PMFBP1: variants seen among roughly 807,000 people sequenced by gnomAD.
PMFBP1 encodes the protein polyamine-modulated factor 1-binding protein 1.
A neutral mutation model predicts 137.8 loss-of-function variants in PMFBP1; 131 were observed. The observed-to-expected ratio is 0.95, with a 90% CI of 0.82 to 1.10. The LOEUF (loss-of-function observed/expected upper bound fraction) is 1.10, where lower values mean the gene tolerates loss of function less well. Ranked by LOEUF, PMFBP1 falls within the 50% of genes least tolerant of loss-of-function variation. The pLI is 0.00. For synonymous variants in PMFBP1, 490 were observed against 450.4 expected, an observed-to-expected ratio of 1.09 and a Z score of -1.11; for missense variants, 1,199 against 1,175.4, an observed-to-expected ratio of 1.02 and a Z score of -0.29.
the PMFBP1 span, among the ~76,000 whole-genome samples, chr16:72,191,697 T>A: frequency 3.3e-4 from 50 of 152,216 alleles, no homozygotes; most frequent in African/African-American, 9.6e-4. Context: ...TTTTTCTCCA[T>A]TCCTGGTTCT....
intron 10 of PMFBP1, among the ~76,000 whole-genome samples, chr16:72,132,001 A>G (rs970751951): frequency 3.9e-5 from 6 of 152,056 alleles, no homozygotes; most frequent in African/African-American, 1.2e-4. Context: ...GCCCACCACC[A>G]TGCCTGGCTA....
At chr16:72,204,361 C>T in the PMFBP1 span, among the ~76,000 whole-genome samples, 1 of 152,020 alleles carries the variant, frequency 6.6e-6, no homozygotes, top group Non-Finnish European at 1.5e-5. Flanking sequence ...GGGCGTGCAC[C>T]ACCGCACGTT....
the PMFBP1 span, among the ~76,000 whole-genome samples, chr16:72,222,755 TTTTG>T: frequency 6.6e-6 from 1 of 152,134 alleles, no homozygotes; most frequent in Non-Finnish European, 1.5e-5. Flanking sequence ...AGTTTTTTGT[TTTTG>T]TTTTTTTCTT....
chr16:72,181,222 A>T (rs558004181), upstream of PMFBP1, among the ~76,000 whole-genome samples: 53 of 151,354 alleles, frequency 3.5e-4, no homozygotes, highest in Non-Finnish European at 6.8e-4. Context: ...CTGGCGACAG[A>T]GCAAGACTTC....
At chr16:72,124,072 T>C (rs759528168) in intron 17 of PMFBP1, among the ~76,000 whole-genome samples, 10 of 152,166 alleles carry the variant, frequency 6.6e-5, no homozygotes, top group Non-Finnish European at 1.2e-4. Context: ...TGCAGTGGCA[T>C]GATCACGGCT....
At chr16:72,235,539 A>C in the PMFBP1 span, among the ~76,000 whole-genome samples, 1 of 148,822 alleles carries the variant, frequency 6.7e-6, no homozygotes, top group African/African-American at 2.5e-5. Flanking sequence ...GTATCAGCAT[A>C]TCAATTTCTG....
upstream of PMFBP1, among the ~76,000 whole-genome samples, chr16:72,173,680 T>C (rs897512891): frequency 6.6e-6 from 1 of 152,262 alleles, no homozygotes; most frequent in African/African-American, 2.4e-5. Context: ...AAGTTTTTGA[T>C]ACATTTGACA....
chr16:72,230,916 G>A, the PMFBP1 span, among the ~76,000 whole-genome samples: 3 of 152,098 alleles, frequency 2.0e-5, no homozygotes, highest in Non-Finnish European at 4.4e-5. Context: ...AGCTGTAAAC[G>A]GCAATAGATA....
intron 5 of PMFBP1, among the ~76,000 whole-genome samples, chr16:72,146,993 T>G (rs973514470): frequency 1.3e-5 from 2 of 152,170 alleles, no homozygotes; most frequent in Admixed American, 1.3e-4. Flanking sequence ...AAGCTACCAC[T>G]GAGTTTCTTC....
At chr16:72,231,827 C>T in the PMFBP1 span, among the ~76,000 whole-genome samples, 1 of 146,664 alleles carries the variant, frequency 6.8e-6, no homozygotes, top group East Asian at 2.1e-4. Context: ...GGTCCATTGA[C>T]CTCACTTTGA....
chr16:72,144,579 G>A (rs551613950), intron 5 of PMFBP1, among the ~76,000 whole-genome samples: 3 of 152,170 alleles, frequency 2.0e-5, no homozygotes, highest in East Asian at 1.9e-4. Flanking sequence ...AATAAAATTC[G>A]AGCCTTATGT....
the PMFBP1 span, among the ~76,000 whole-genome samples, chr16:72,244,707 C>A: frequency 6.6e-6 from 1 of 152,206 alleles, no homozygotes; most frequent in Non-Finnish European, 1.5e-5. Context: ...TGGGGACCAA[C>A]AGAAGATGCT....
upstream of PMFBP1, among the ~76,000 whole-genome samples, chr16:72,176,391 T>TAAC (rs2043259615): frequency 6.6e-6 from 1 of 152,232 alleles, no homozygotes; most frequent in African/African-American, 2.4e-5. Flanking sequence ...TTTTCCTTAG[T>TAAC]AACAGATGCT....
chr16:72,206,393 C>T, the PMFBP1 span, among the ~76,000 whole-genome samples: 1 of 152,190 alleles, frequency 6.6e-6, no homozygotes, highest in Non-Finnish European at 1.5e-5. Flanking sequence ...CACTGGGATG[C>T]TCACTCGTGG....
At chr16:72,136,339 G>A in intron 9 of PMFBP1, 109 bp downstream of exon 9, 2 of 1,314,254 alleles carry the variant, frequency 1.5e-6, no homozygotes, top group Non-Finnish European at 2.1e-6. Flanking sequence ...CTGTGCTTGT[G>A]TTGAGGCTCC....
At chr16:72,162,559 A>C (rs2043079582) in intron 3 of PMFBP1, among the ~76,000 whole-genome samples, 1 of 152,174 alleles carries the variant, frequency 6.6e-6, no homozygotes, top group South Asian at 2.1e-4. Flanking sequence ...TTACATTTCC[A>C]TGTGGAAGGC....
chr16:72,171,222 C>G lies in PMFBP1; in HGVS notation c.-14G>C, dbSNP rs779673615. On this transcript the variant is annotated 5_prime_UTR_variant, in exon 2 of 21. Transcript: ENST00000237353. ...CTCATCTTTCATTTCCTTGGCAGCT[C>G]TCAATTCTCCTTTAACCTTTAGTAT... is the stretch of plus-strand genomic sequence containing the variant. 52 of 1,613,730 alleles carry G rather than the reference C, an allele frequency of 3.2e-5. No homozygotes were observed. Among genetic ancestry groups the G allele is most frequent in the Non-Finnish European group, 4.2e-5 (49 of 1,179,716 alleles).
At chr16:72,208,657 A>T in the PMFBP1 span, among the ~76,000 whole-genome samples, 12 of 152,244 alleles carry the variant, frequency 7.9e-5, no homozygotes, top group Admixed American at 3.3e-4. Flanking sequence ...GCCACTTACA[A>T]GGATATTATC....
intron 14 of PMFBP1, 178 bp downstream of exon 14, chr16:72,128,479 T>G: frequency 6.5e-7 from 1 of 1,537,200 alleles, no homozygotes; most frequent in Non-Finnish European, 8.7e-7. Context: ...AAGAAACATT[T>G]CTCTGGCTCA....
Sources: allele counts gnomAD v4.1 joint callset (sites outside exome capture counted in the v4.1 genomes callset), GRCh38; gene constraint gnomAD v4.1.1; transcripts MANE v1.5; gene names NCBI Gene and HGNC (gene_info 2026-07-23, HGNC 2026-07-21).